The following INO80C variants were observed in gnomAD, a reference collection of about 807,000 sequenced individuals.
INO80C encodes the protein INO80 complex subunit C.
INO80C carries 17 observed loss-of-function variants against 17.7 expected under a neutral mutation model. That is an observed-to-expected ratio of 0.96 (90% confidence interval 0.66 to 1.44). The LOEUF is 1.44. Ranked by LOEUF, INO80C falls within the 40% of genes most tolerant of loss-of-function variation. The probability of loss-of-function intolerance (pLI) is 0.00; values close to 1 mark genes in which losing one functional copy is unlikely to be tolerated. For missense variants in INO80C, 244 were observed against 245.0 expected, an observed-to-expected ratio of 1.00 and a Z score of 0.03; for synonymous variants, 96 against 95.8, an observed-to-expected ratio of 1.00 and a Z score of -0.01.
At chr18:35,482,814 C>G (rs2045828760) in intron 1 of INO80C, among the ~76,000 whole-genome samples, 1 of 152,166 alleles carries the variant, frequency 6.6e-6, no homozygotes, top group South Asian at 2.1e-4. Flanking sequence ...TGGTAACTTC[C>G]TGAGCTATAT....
chr18:35,477,858 A>C (rs2045755698), intron 4 of INO80C, among the ~76,000 whole-genome samples: 1 of 152,202 alleles, frequency 6.6e-6, no homozygotes, highest in Non-Finnish European at 1.5e-5. Context: ...AAAAGATTTC[A>C]TTTGGAAAAG....
At chr18:35,491,827 T>C (rs1485848616) in intron 1 of INO80C, among the ~76,000 whole-genome samples, 1 of 152,154 alleles carries the variant, frequency 6.6e-6, no homozygotes, top group African/African-American at 2.4e-5. Context: ...CCCCAAGATA[T>C]GAACACCCTA....
Position 35,468,642 on chromosome 18 carries a change from G to C in INO80C, c.548C>G (p.Ala183Gly). The change falls in exon 5 of 5, where the codon GCC (alanine) becomes GGC (glycine). Residue 183 changes from alanine (A) to glycine (G), a missense_variant. Ala to Gly is a moderately conservative substitution (Grantham distance 60, BLOSUM62 0). Transcript: ENST00000334598. ...AACGATGCTCGTGGCCTTCCTCAGG[G>C]CCAGGTAGCCGGTGACGACGTCAGA... Reference protein sequence around the residue: ...LPSDVVTGYLALRKATSIVP With the variant: ...LPSDVVTGYLGLRKATSIVP The C allele has an allele frequency of 3.7e-6, 6 of 1,614,052 alleles. No individual in the cohort carries two copies. The highest frequency in any genetic ancestry group is 5.1e-6 in the Non-Finnish European group (6 of 1,179,974).
intron 1 of INO80C, 144 bp downstream of exon 1, chr18:35,497,575 T>C (rs754321215): frequency 1.7e-4 from 238 of 1,423,346 alleles, no homozygotes; most frequent in Non-Finnish European, 2.0e-4. Flanking sequence ...AGAGTAGTCA[T>C]TCACTCCGCG....
chr18:35,487,161 G>C (rs547079749), intron 1 of INO80C, among the ~76,000 whole-genome samples: 11 of 152,306 alleles, frequency 7.2e-5, no homozygotes, highest in Admixed American at 3.3e-4. Context: ...ACAACAGGAT[G>C]CACTGAGAAG....
chr18:35,494,077 T>TCC (rs2045956184), intron 1 of INO80C, among the ~76,000 whole-genome samples: 1 of 152,188 alleles, frequency 6.6e-6, no homozygotes, highest in Admixed American at 6.6e-5. Context: ...TCCCTCTGCC[T>TCC]CCCTACCTCT....
chr18:35,474,242 T>TATATATATATAC (rs1310310567), intron 4 of INO80C, among the ~76,000 whole-genome samples: 2 of 134,558 alleles, frequency 1.5e-5, no homozygotes, highest in Non-Finnish European at 3.1e-5. Context: ...TATATATATA[T>TATATATATATAC]ATACTTAATA....
intron 1 of INO80C, among the ~76,000 whole-genome samples, 187 bp from the exon 2 acceptor site, chr18:35,480,750 A>G (rs1675457575): frequency 2.6e-5 from 4 of 152,174 alleles, no homozygotes; most frequent in African/African-American, 9.7e-5. Flanking sequence ...TGCTGTGCAG[A>G]AGCCACAGGA....
At chr18:35,494,888 T>C (rs2045965979) in intron 1 of INO80C, among the ~76,000 whole-genome samples, 1 of 152,198 alleles carries the variant, frequency 6.6e-6, no homozygotes, top group Admixed American at 6.5e-5. Context: ...ATGTTTTTGG[T>C]AGTGTGGGGA....
rs17738210 is a variant in INO80C, at chr18:35,491,854, C to T, written c.156+5865G>A. Among the ~76,000 whole-genome samples the T allele has an allele frequency of 0.03, 4,615 of 152,264 alleles. 380 individuals are homozygous for T. The East Asian group carries it at 0.33, about 11-fold the overall frequency. On this transcript the variant is annotated intron_variant, in intron 1 of 4. Coordinates refer to ENST00000334598, the MANE Select transcript of INO80C (RefSeq NM_194281.4). ...AACACCCTAAGAGGAGAGGAAGGAA[C>T]GCCTAGCACTAAGGGGCGCCCCCTC...
intron 1 of INO80C, 91 bp from the exon 2 acceptor site, chr18:35,480,654 C>T: frequency 1.0e-6 from 1 of 973,758 alleles, no homozygotes; most frequent in Non-Finnish European, 1.6e-6. Flanking sequence ...GATGATGCCA[C>T]AGGGCATGCA....
At position 35,468,448 on chromosome 18, in the gene INO80C, TAA is replaced by T. The variant is rs59691905; in HGVS notation, c.*161_*162del. 53,204 of 1,203,890 alleles carry T rather than the reference TAA, an allele frequency of 0.044. 56 individuals are homozygous for T. Among genetic ancestry groups the T allele is most frequent in the South Asian group, 0.073 (3,764 of 51,478 alleles). 74.6% of individuals were successfully genotyped at this position (1,203,890 alleles called of 1,614,324 possible). Reference sequence around the variant, plus strand: ...TCACACTTGGAGGGAAAACACACACTAAAAAAAAAAAAAACCCTTAAATTAAA... The same window carrying T: ...TCACACTTGGAGGGAAAACACACACTAAAAAAAAAAAACCCTTAAATTAAA... On this transcript the variant is annotated 3_prime_UTR_variant, in exon 5 of 5. Transcript: ENST00000334598.
At chr18:35,487,517 G>A (rs2045889024) in intron 1 of INO80C, 2 of 211,184 alleles carry the variant, frequency 9.5e-6, no homozygotes, top group Non-Finnish European at 2.0e-5. Context: ...CAGATTTCCT[G>A]AGAGTTATTC....
intron 4 of INO80C, among the ~76,000 whole-genome samples, chr18:35,475,952 A>G (rs575371666): frequency 1.1e-4 from 17 of 152,006 alleles, no homozygotes; most frequent in South Asian, 6.2e-4. Flanking sequence ...TGTTTGTAGC[A>G]TATGTAAAAG....
intron 4 of INO80C, among the ~76,000 whole-genome samples, chr18:35,477,115 G>C (rs148430721): frequency 4.6e-5 from 7 of 152,282 alleles, no homozygotes; most frequent in South Asian, 2.1e-4. Context: ...ATGGTGGCGT[G>C]TGCCTGTAGT....
At chr18:35,478,027 T>C (rs1268517097) in intron 4 of INO80C, among the ~76,000 whole-genome samples, 2 of 152,230 alleles carry the variant, frequency 1.3e-5, no homozygotes, top group Non-Finnish European at 2.9e-5. Flanking sequence ...GTTTCTTTCA[T>C]GTTATCTCAT....
intron 1 of INO80C, among the ~76,000 whole-genome samples, chr18:35,487,142 T>A (rs74588386): frequency 2.7e-4 from 41 of 152,322 alleles, no homozygotes; most frequent in African/African-American, 9.6e-4. Flanking sequence ...TAATTTGACA[T>A]CAAGTGCCAC....
At position 35,468,790 on chromosome 18, in the gene INO80C, G is replaced by A. The variant is rs148896668; in HGVS notation, c.448-48C>T. ...AAGGGCAGAAAGTTTTTGCTGGTAG[G>A]GATATTTTAAGTTCAAGTTTAAAAA... On this transcript the variant is annotated intron_variant, in intron 4 of 4. Transcript: ENST00000334598. 1.3e-5 allele frequency: 21 copies of A among 1,559,580 alleles called. No homozygotes were observed. The African/African-American group carries it at 2.9e-4, about 21-fold the overall frequency.
chr18:35,480,988 C>T (rs986980065), intron 1 of INO80C, among the ~76,000 whole-genome samples: 2 of 152,202 alleles, frequency 1.3e-5, no homozygotes, highest in African/African-American at 4.8e-5. Flanking sequence ...GTTCTAAAGC[C>T]CTCATAATCT....
Sources: gnomAD v4.1 joint callset for allele counts (sites outside exome capture counted in the v4.1 genomes callset) on GRCh38, gnomAD v4.1.1 for gene constraint, MANE v1.5 for transcripts, NCBI Gene and HGNC (gene_info 2026-07-23, HGNC 2026-07-21) for gene names.